SUGT1: variants seen among roughly 807,000 people sequenced by gnomAD.
The protein encoded by SUGT1 is protein SGT1 homolog.
In SUGT1, 15 loss-of-function variants were observed where a neutral mutation model predicts 56.1. The ratio of observed to expected loss-of-function variants is 0.27; its 90% CI spans 0.18 to 0.41. SUGT1 has a LOEUF of 0.41. Among genes scored for constraint, SUGT1 ranks in the 10% least tolerant of loss-of-function variants. SUGT1 has a pLI of 1.00. For synonymous variants in SUGT1, 123 were observed against 128.6 expected (o/e 0.96, Z 0.30); for missense variants, 347 against 382.2 (o/e 0.91, Z 0.77).
In SUGT1 at chr13:52,700,214, C is replaced by T. The variant is rs1232947776; in HGVS notation, c.*12379C>T. ...ATTTTTATTCCTCTGTGATAACATA[C>T]ACCCAAATAAAGACTGCTATGTATT... On this transcript the variant is annotated 3_prime_UTR_variant, in exon 13 of 13. Transcript: ENST00000310528. 6.6e-6 allele frequency: 1 copy of T among 152,100 alleles called. No individual in the cohort carries two copies. The highest frequency in any genetic ancestry group is 1.5e-5 in the Non-Finnish European group (1 of 68,020). 9.4% of individuals were successfully genotyped at this position (152,100 alleles called of 1,614,324 possible).
In SUGT1 at chr13:52,659,230, A is replaced by C; in HGVS notation, c.309A>C (p.Thr103=). 1 of 1,485,488 alleles carries C rather than the reference A, an allele frequency of 6.7e-7. No homozygotes were observed. The highest frequency in any genetic ancestry group is 1.4e-5 in the South Asian group (1 of 69,350). 92.0% of individuals were successfully genotyped at this position (1,485,488 alleles called of 1,614,324 possible). A position where few individuals can be genotyped will look rare whatever the true frequency, so the allele number is the denominator to read the frequency against. ...ATGCTGCTGCCCTAGAAACTTTTAC[A>C]GAAGGACAAAAATTAGATAGTAAGT... ...KNYAAALETF[T]EGQKLDSADA... Residue 103 remains threonine, a synonymous_variant, in exon 5 of 13, where the codon ACA becomes ACC. Coordinates refer to ENST00000310528, the MANE Select transcript of SUGT1 (RefSeq NM_006704.5).
intron 5 of SUGT1, among the ~76,000 whole-genome samples, chr13:52,659,814 A>ATAT (rs1555271105): frequency 1.0e-4 from 6 of 58,726 alleles, no homozygotes; most frequent in African/African-American, 3.0e-4. Flanking sequence ...ATATATATAT[A>ATAT]TTTTTTTTTT....
At position 52,694,015 on chromosome 13, in the gene SUGT1, A is replaced by T. The variant is rs1046402897; in HGVS notation, c.*6180A>T. 6.6e-6 allele frequency: 1 copy of T among 152,236 alleles called. No individual in the cohort carries two copies. The highest frequency in any genetic ancestry group is 2.4e-5 in the African/African-American group (1 of 41,458). 9.4% of individuals were successfully genotyped at this position (152,236 alleles called of 1,614,324 possible). A position where few individuals can be genotyped will look rare whatever the true frequency, so the allele number is the denominator to read the frequency against. On this transcript the variant is annotated 3_prime_UTR_variant, in exon 13 of 13. Transcript: ENST00000310528. ...ATAATAGAATATACAATATACCGCA[A>T]TAAAACTTATGTGAACAGTTATTTT...
chr13:52,676,265 A>G lies in SUGT1; in HGVS notation c.663A>G (p.Arg221=). The change falls in exon 11 of 13, where the codon AGA becomes AGG. Residue 221 remains arginine, a synonymous_variant. Transcript: ENST00000310528. The part of the protein sequence containing the change: ...EIKLKKPEAV[R]WEKLEGQGDV... ...AACTGAAAAAGCCAGAGGCTGTGAG[A>G]TGGGAAAAGCTAGAGGGGCAAGGAG... 18 of 1,613,134 alleles carry G rather than the reference A, an allele frequency of 1.1e-5. No homozygotes were observed. Among genetic ancestry groups the G allele is most frequent in the Non-Finnish European group, 1.4e-5 (17 of 1,179,532 alleles).
At chr13:52,678,013 T>G (rs961626158) in intron 11 of SUGT1, among the ~76,000 whole-genome samples, 2 of 152,208 alleles carry the variant, frequency 1.3e-5, no homozygotes, top group African/African-American at 4.8e-5. Flanking sequence ...CAGATTCCTG[T>G]GTATTGCAAG....
intron 5 of SUGT1, among the ~76,000 whole-genome samples, chr13:52,659,841 T>G (rs1295237727): frequency 1.3e-5 from 1 of 79,406 alleles, no homozygotes; most frequent in Non-Finnish European, 2.5e-5. Flanking sequence ...TTTTTTTTTT[T>G]TTTTTGAGAC....
chr13:52,653,253 T>C (rs1961997987), intron 2 of SUGT1, 150 bp downstream of exon 2: 1 of 969,246 alleles, frequency 1.0e-6, no homozygotes, highest in Non-Finnish European at 1.6e-6. Flanking sequence ...AGATTCTCCG[T>C]CTCTTTTCTC....
chr13:52,658,260 G>C (rs542006618), intron 3 of SUGT1, 139 bp from the exon 4 acceptor site: 1 of 1,522,126 alleles, frequency 6.6e-7, no homozygotes, highest in African/African-American at 1.4e-5. Context: ...ATTCTATCTT[G>C]TATTAGCTTT....
intron 12 of SUGT1, among the ~76,000 whole-genome samples, chr13:52,680,807 A>G (rs1963341151): frequency 6.6e-6 from 1 of 152,176 alleles, no homozygotes; most frequent in Non-Finnish European, 1.5e-5. Context: ...TTTCACACTT[A>G]AGAAATCTGT....
At chr13:52,659,436 AT>A (rs1459135682) in intron 5 of SUGT1, among the ~76,000 whole-genome samples, 187 bp downstream of exon 5, 1 of 152,238 alleles carries the variant, frequency 6.6e-6, no homozygotes, top group African/African-American at 2.4e-5. Flanking sequence ...GCCTTTTGGC[AT>A]TTAAATCATA....
intron 10 of SUGT1, among the ~76,000 whole-genome samples, chr13:52,667,679 T>C (rs1294069509): frequency 6.6e-6 from 1 of 152,128 alleles, no homozygotes; most frequent in East Asian, 1.9e-4. Flanking sequence ...CTAAAAGAAG[T>C]AGAGATATAC....
intron 4 of SUGT1, 145 bp downstream of exon 4, chr13:52,658,613 C>G: frequency 1.4e-6 from 1 of 701,584 alleles, no homozygotes; most frequent in Non-Finnish European, 2.1e-6. Flanking sequence ...ATTTTAAATA[C>G]AACTTATAGT....
At chr13:52,676,364 G>A in intron 11 of SUGT1, 44 bp downstream of exon 11, 1 of 1,476,814 alleles carries the variant, frequency 6.8e-7, no homozygotes, top group Non-Finnish European at 9.2e-7. Flanking sequence ...ATATTGTGTT[G>A]TGTAATTGAA....
chr13:52,678,272 T>G (rs1490914935), intron 11 of SUGT1, among the ~76,000 whole-genome samples: 1 of 152,102 alleles, frequency 6.6e-6, no homozygotes, highest in Non-Finnish European at 1.5e-5. Flanking sequence ...CAAAACAATA[T>G]ATTTGGCCCT....
At chr13:52,661,100 C>T (rs1962425388) in intron 5 of SUGT1, among the ~76,000 whole-genome samples, 1 of 152,172 alleles carries the variant, frequency 6.6e-6, no homozygotes, top group Non-Finnish European at 1.5e-5. Flanking sequence ...GCATGAGCCA[C>T]TGCGTCTGGC....
Position 52,659,195 on chromosome 13 carries a change from GA to G in SUGT1, c.281del (p.Asn94ThrfsTer6). On this transcript the variant is annotated frameshift_variant, in exon 5 of 13. Transcript: ENST00000310528. LOFTEE classifies it high-confidence loss of function. ...MLRKGICEYH[E>X]KNYAAALETF... is the part of the protein sequence containing the mutation. ...TTCATGCAGAATATGTGAATACCAT[GA>G]AAAAAACTATGCTGCTGCCCTAGAA... 3 of 1,487,254 alleles carry G rather than the reference GA, an allele frequency of 2.0e-6. No individual in the cohort carries two copies. Among genetic ancestry groups the G allele is most frequent in the East Asian group, 2.6e-5 (1 of 37,902 alleles). The allele number at this position is 1,487,254 out of a possible 1,614,324, so 92.1% of individuals were successfully genotyped here.
intron 10 of SUGT1, among the ~76,000 whole-genome samples, chr13:52,670,252 AT>A (rs1233280224): frequency 6.6e-6 from 1 of 152,148 alleles, no homozygotes; most frequent in Non-Finnish European, 1.5e-5. Context: ...TTTCTTAACT[AT>A]TTTACAGTGT....
chr13:52,655,925 A>G (rs1271416824), intron 2 of SUGT1, among the ~76,000 whole-genome samples: 1 of 152,222 alleles, frequency 6.6e-6, no homozygotes, highest in Non-Finnish European at 1.5e-5. Flanking sequence ...TTAAGGAATC[A>G]AAGAATGTTT....
At chr13:52,669,732 CAA>C (rs1962854773) in intron 10 of SUGT1, among the ~76,000 whole-genome samples, 1 of 152,084 alleles carries the variant, frequency 6.6e-6, no homozygotes, top group African/African-American at 2.4e-5. Flanking sequence ...TGTGCACACA[CAA>C]AATCTTGTTA....
Sources: gnomAD v4.1 joint callset for allele counts (sites outside exome capture counted in the v4.1 genomes callset) on GRCh38, gnomAD v4.1.1 for gene constraint, MANE v1.5 for transcripts, NCBI Gene and HGNC (gene_info 2026-07-23, HGNC 2026-07-21) for gene names.